HOXA9: variants seen among roughly 807,000 people sequenced by gnomAD.
HOXA9 encodes the protein homeobox A9.
In HOXA9, 18 loss-of-function variants were observed where a neutral mutation model predicts 19.0. That is an observed-to-expected ratio of 0.95 (90% CI 0.65 to 1.40). The LOEUF (loss-of-function observed/expected upper bound fraction) is 1.40. HOXA9 is among the 40% of genes most tolerant of loss of function. The probability of loss-of-function intolerance (pLI) is 0.00; values close to 1 mark genes in which losing one functional copy is unlikely to be tolerated. For synonymous variants in HOXA9, 198 were observed against 161.1 expected, an observed-to-expected ratio of 1.23 and a Z score of -1.73; for missense variants, 443 against 372.2, an observed-to-expected ratio of 1.19 and a Z score of -1.57.
In HOXA9 at chr7:27,163,674, C is replaced by A. The variant is rs1451206928; in HGVS notation, c.748G>T (p.Val250Phe). 1 of 1,613,856 alleles carries A rather than the reference C, an allele frequency of 6.2e-7. No homozygotes were observed. Among genetic ancestry groups the A allele is most frequent in the Non-Finnish European group, 8.5e-7 (1 of 1,180,014 alleles). The change falls in exon 2 of 2, where the codon GTC (valine) becomes TTC (phenylalanine). Residue 250 changes from valine (V) to phenylalanine (F), a missense_variant. Transcript: ENST00000343483. ...ARLLNLTERQVKIWFQNRRMK... is the reference protein window; with the variant it reads ...ARLLNLTERQFKIWFQNRRMK... ...CTGCGGTTCTGGAACCAGATCTTGACCTGCCTCTCGGTGAGGTTGAGCAGT... is the reference window on the plus strand; with the variant it reads ...CTGCGGTTCTGGAACCAGATCTTGAACTGCCTCTCGGTGAGGTTGAGCAGT...
In HOXA9 at chr7:27,163,518, G is replaced by T; in HGVS notation, c.*85C>A. ...ATGGTGGAGGCTAGGGTGGGGGTGAGAGAAGGGAGAAGGCGGAAGGGGGAC... is the reference window on the plus strand; with the variant it reads ...ATGGTGGAGGCTAGGGTGGGGGTGATAGAAGGGAGAAGGCGGAAGGGGGAC... On this transcript the variant is annotated 3_prime_UTR_variant, in exon 2 of 2. Transcript: ENST00000343483. The T allele has an allele frequency of 9.1e-7, 1 of 1,099,022 alleles. No individual in the cohort carries two copies. Among genetic ancestry groups the T allele is most frequent in the Non-Finnish European group, 1.3e-6 (1 of 745,396 alleles). The allele number at this position is 1,099,022 out of a possible 1,614,324, so 68.1% of individuals were successfully genotyped here. A position where few individuals can be genotyped will look rare whatever the true frequency, so the allele number is the denominator to read the frequency against.
chr7:27,165,191 GTGGTGGTGA>G lies in HOXA9; in HGVS notation c.258_266del (p.His87_His89del). ...CGGGCGCCTGGGGGTGCACGTAGGGGTGGTGGTGATGGTGGTGGTACACCGCAGCGGGTA... is the reference window on the plus strand; with the variant it reads ...CGGGCGCCTGGGGGTGCACGTAGGGGTGGTGGTGGTACACCGCAGCGGGTA... On this transcript the variant is annotated inframe_deletion, in exon 1 of 2. Coordinates refer to ENST00000343483, the MANE Select transcript of HOXA9 (RefSeq NM_152739.4). 1 of 1,593,266 alleles carries G rather than the reference GTGGTGGTGA, an allele frequency of 6.3e-7. No individual in the cohort carries two copies. The highest frequency in any genetic ancestry group is 8.5e-7 in the Non-Finnish European group (1 of 1,170,404).
rs1783281043 is a variant in HOXA9 at position 27,164,758 on chromosome 7, G to T, written c.580+120C>A. On this transcript the variant is annotated intron_variant, in intron 1 of 1. Transcript: ENST00000343483. The stretch of plus-strand genomic sequence containing the variant: ...CCCAAACACCAACTTCTGGCTCCTG[G>T]CCCCAACTCGAGAGGCTTCCAGCGA... 1.0e-5 allele frequency: 15 copies of T among 1,460,420 alleles called. No homozygotes were observed. In the East Asian group the frequency reaches 3.5e-4, roughly 34 times the overall value. 90.5% of individuals were successfully genotyped at this position (1,460,420 alleles called of 1,614,324 possible).
In HOXA9 at chr7:27,163,568, A is replaced by G. The variant is rs564237365; in HGVS notation, c.*35T>C. The G allele has an allele frequency of 2.7e-5, 40 of 1,507,724 alleles. 1 individual carries two copies. The South Asian group carries it at 4.1e-4, about 15-fold the overall frequency. The allele number at this position is 1,507,724 out of a possible 1,614,324, so 93.4% of individuals were successfully genotyped here. A position where few individuals can be genotyped will look rare whatever the true frequency, so the allele number is the denominator to read the frequency against. ...CGGACAGTTCTTTCTTTTTCTCTCTAGCTTACCCTTTTTTCTAAATAAGCC... is the reference window on the plus strand; with the variant it reads ...CGGACAGTTCTTTCTTTTTCTCTCTGGCTTACCCTTTTTTCTAAATAAGCC... On this transcript the variant is annotated 3_prime_UTR_variant, in exon 2 of 2. Coordinates refer to ENST00000343483, the MANE Select transcript of HOXA9 (RefSeq NM_152739.4).
In HOXA9 at chr7:27,165,300, G is replaced by C. The variant is rs1403902048; in HGVS notation, c.158C>G (p.Pro53Arg). ...CGTCGCCTTGGACTGGAAGCTGCAC[G>C]GGCTGAAGTCGGGGTGCTCGGCCAG... Reference protein sequence around the residue: ...ATLAEHPDFSPCSFQSKATVF... With the variant: ...ATLAEHPDFSRCSFQSKATVF... Residue 53 changes from proline (P) to arginine (R), a missense_variant, in exon 1 of 2, where the codon CCG becomes CGG. By Grantham distance (103) the Pro-to-Arg change is moderately radical. Transcript: ENST00000343483. The C allele has an allele frequency of 1.3e-6, 2 of 1,571,050 alleles. No individual in the cohort carries two copies. The highest frequency in any genetic ancestry group is 1.7e-6 in the Non-Finnish European group (2 of 1,159,926).
intron 1 of HOXA9, among the ~76,000 whole-genome samples, chr7:27,164,390 T>G (rs1783271219): frequency 6.6e-6 from 1 of 152,128 alleles, no homozygotes; most frequent in Admixed American, 6.5e-5. Context: ...GTGGCCCGGG[T>G]CGCCCGCAGC....
Position 27,162,487 on chromosome 7 carries a change from A to C in HOXA9, c.*1116T>G. 1 of 202,880 alleles carries C rather than the reference A, an allele frequency of 4.9e-6. No individual in the cohort carries two copies. 12.6% of individuals were successfully genotyped at this position (202,880 alleles called of 1,614,324 possible). A position where few individuals can be genotyped will look rare whatever the true frequency, so the allele number is the denominator to read the frequency against. On this transcript the variant is annotated 3_prime_UTR_variant, in exon 2 of 2. Transcript: ENST00000343483. The stretch of plus-strand genomic sequence containing the variant: ...TTGGCAAAAAGTTAAATATCATCTC[A>C]ACACAACAATTTGGTCAGTAGGCCT...
At chr7:27,164,785 G>A in intron 1 of HOXA9, 93 bp downstream of exon 1, 2 of 1,538,514 alleles carry the variant, frequency 1.3e-6, no homozygotes, top group Non-Finnish European at 1.8e-6. Flanking sequence ...TTCCAGCGAG[G>A]ACGAAGGCAG....
rs201482064 is a variant in HOXA9, at chr7:27,165,044, C to A, written c.414G>T (p.Ser138=). The A allele has an allele frequency of 1.5e-5, 24 of 1,614,194 alleles. No homozygotes were observed. The East Asian group carries it at 3.3e-4, about 22-fold the overall frequency. ...RPYGIKPEPL[S]ARRGDCPTLD... Reference sequence around the variant, plus strand: ...GCGTGGGACAGTCACCCCTTCTGGCCGACAGCGGTTCAGGTTTAATGCCAT... The same window carrying A: ...GCGTGGGACAGTCACCCCTTCTGGCAGACAGCGGTTCAGGTTTAATGCCAT... Residue 138 remains serine (S), a synonymous_variant, in exon 1 of 2, where the codon TCG becomes TCT. Coordinates refer to ENST00000343483, the MANE Select transcript of HOXA9 (RefSeq NM_152739.4).
At position 27,163,771 on chromosome 7, in the gene HOXA9, C is replaced by T. The variant is rs368804154; in HGVS notation, c.651G>A (p.Gln217=). The change falls in exon 2 of 2, where the codon CAG becomes CAA. Residue 217 remains glutamine (Q), a synonymous_variant. Coordinates refer to ENST00000343483, the MANE Select transcript of HOXA9 (RefSeq NM_152739.4). ...GAAACTCTTTCTCCAGTTCCAGGGTCTGGTGTTTTGTATAGGGGCACCGCT... is the reference window on the plus strand; with the variant it reads ...GAAACTCTTTCTCCAGTTCCAGGGTTTGGTGTTTTGTATAGGGGCACCGCT... ...RKKRCPYTKH[Q]TLELEKEFLF... is the part of the protein sequence containing the mutation. The T allele has an allele frequency of 9.9e-6, 16 of 1,613,918 alleles. No homozygotes were observed. Among genetic ancestry groups the T allele is most frequent in the South Asian group, 7.7e-5 (7 of 91,064 alleles).
chr7:27,163,413 C>T lies in HOXA9; in HGVS notation c.*190G>A. On this transcript the variant is annotated 3_prime_UTR_variant, in exon 2 of 2. Transcript: ENST00000343483. ...GCTTACAATACCTCCTCCATCAAAG[C>T]GGCAGGCCTACGAGCCAGCCTGAAC... 1.6e-6 allele frequency: 1 copy of T among 614,132 alleles called. No homozygotes were observed. Among genetic ancestry groups the T allele is most frequent in the Non-Finnish European group, 2.9e-6 (1 of 344,624 alleles). 38.0% of individuals were successfully genotyped at this position (614,132 alleles called of 1,614,324 possible). A position where few individuals can be genotyped will look rare whatever the true frequency, so the allele number is the denominator to read the frequency against.
chr7:27,165,167 G>A lies in HOXA9; in HGVS notation c.291C>T (p.Pro97=), dbSNP rs750729932. Residue 97 remains proline, a synonymous_variant, in exon 1 of 2, where the codon CCC becomes CCT. Coordinates refer to ENST00000343483, the MANE Select transcript of HOXA9 (RefSeq NM_152739.4). ...HHHPYVHPQA[P]VAAAAPDGRY... is the part of the protein sequence containing the mutation. Reference sequence around the variant, plus strand: ...TGCCGTCCGGCGCCGCCGCCGCCACGGGCGCCTGGGGGTGCACGTAGGGGT... The same window carrying A: ...TGCCGTCCGGCGCCGCCGCCGCCACAGGCGCCTGGGGGTGCACGTAGGGGT... 21 of 1,596,178 alleles carry A rather than the reference G, an allele frequency of 1.3e-5. No homozygotes were observed. The highest frequency in any genetic ancestry group is 1.7e-5 in the Non-Finnish European group (20 of 1,171,274).
In HOXA9 at chr7:27,163,805, G is replaced by A; in HGVS notation, c.617C>T (p.Thr206Ile). The change falls in exon 2 of 2, where the codon ACT becomes ATT. Residue 206 changes from threonine to isoleucine, a missense_variant. Coordinates refer to ENST00000343483, the MANE Select transcript of HOXA9 (RefSeq NM_152739.4). ...TGTATAGGGGCACCGCTTTTTCCGAGTGGAGCGCGCATGAAGCCAGTTGGC... is the reference window on the plus strand; with the variant it reads ...TGTATAGGGGCACCGCTTTTTCCGAATGGAGCGCGCATGAAGCCAGTTGGC... ...PAANWLHARSTRKKRCPYTKH... is the reference protein window; with the variant it reads ...PAANWLHARSIRKKRCPYTKH... 1 of 1,613,974 alleles carries A rather than the reference G, an allele frequency of 6.2e-7. No homozygotes were observed. The highest frequency in any genetic ancestry group is 8.5e-7 in the Non-Finnish European group (1 of 1,179,996).
At chr7:27,163,981 A>G in intron 1 of HOXA9, 140 bp from the exon 2 acceptor site, 3 of 701,270 alleles carry the variant, frequency 4.3e-6, no homozygotes, top group Non-Finnish European at 7.4e-6. Context: ...CCTCGGACAC[A>G]ATGGAACCCT....
chr7:27,165,427 A>G lies in HOXA9; in HGVS notation c.31T>C (p.Tyr11His). Residue 11 changes from tyrosine to histidine, a missense_variant, in exon 1 of 2, where the codon TAC (tyrosine) becomes CAC (histidine). By Grantham distance (83) the Tyr-to-His change is moderately conservative (BLOSUM62 2). Transcript: ENST00000343483. MATTGALGNY[Y>H]VDSFLLGADA... is the part of the protein sequence containing the mutation. ...GCGCCCAGCAGGAACGAGTCCACGT[A>G]GTAGTTGCCCAGGGCCCCAGTGGTG... is the stretch of plus-strand genomic sequence containing the variant. 6.2e-7 allele frequency: 1 copy of G among 1,609,394 alleles called. No homozygotes were observed. The highest frequency in any genetic ancestry group is 8.5e-7 in the Non-Finnish European group (1 of 1,178,870).
At chr7:27,163,914 T>C in intron 1 of HOXA9, 73 bp from the exon 2 acceptor site, 1 of 1,257,676 alleles carries the variant, frequency 8.0e-7, no homozygotes, top group Non-Finnish European at 1.1e-6. Flanking sequence ...GCCTCCTGCA[T>C]GGGGTCTCTG....
chr7:27,163,537 G>A lies in HOXA9; in HGVS notation c.*66C>T. The A allele has an allele frequency of 3.9e-6, 5 of 1,270,998 alleles. No homozygotes were observed. Among genetic ancestry groups the A allele is most frequent in the Non-Finnish European group, 3.4e-6 (3 of 891,044 alleles). The allele number at this position is 1,270,998 out of a possible 1,614,324, so 78.7% of individuals were successfully genotyped here. A position where few individuals can be genotyped will look rare whatever the true frequency, so the allele number is the denominator to read the frequency against. On this transcript the variant is annotated 3_prime_UTR_variant, in exon 2 of 2. Transcript: ENST00000343483. ...GGGTGAGAGAAGGGAGAAGGCGGAA[G>A]GGGGACGGACAGTTCTTTCTTTTTC...
Position 27,164,096 on chromosome 7 carries a change from C to T in HOXA9, c.581-255G>A, listed in dbSNP as rs187385585. ...TCTCCTACTCTGTCCTCTTGTCCCC[C>T]TTCTCCTTCCTCCCACTCTCAAAAC... On this transcript the variant is annotated intron_variant, in intron 1 of 1. Transcript: ENST00000343483. Among the ~76,000 whole-genome samples, 252 of 152,272 alleles carry T rather than the reference C, an allele frequency of 1.7e-3. 3 individuals are homozygous for T. Among genetic ancestry groups the T allele is most frequent in the African/African-American group, 6.0e-3 (248 of 41,550 alleles).
chr7:27,164,946 C>T lies in HOXA9; in HGVS notation c.512G>A (p.Ser171Asn), dbSNP rs1288986827. The change falls in exon 1 of 2, where the codon AGC (serine) becomes AAC (asparagine). Residue 171 changes from serine to asparagine, a missense_variant. Physicochemically the swap from Ser to Asn is conservative, Grantham distance 46. Transcript: ENST00000343483. ...SPPVDREKQP[S>N]EGAFSENNAE... The stretch of plus-strand genomic sequence containing the variant: ...ATTGTTTTCAGAGAAGGCGCCTTCG[C>T]TGGGTTGTTTTTCTCTATCAACTGG... 6.2e-7 allele frequency: 1 copy of T among 1,614,240 alleles called. No homozygotes were observed. The highest frequency in any genetic ancestry group is 8.5e-7 in the Non-Finnish European group (1 of 1,180,028).
Sources: allele counts gnomAD v4.1 joint callset (sites outside exome capture counted in the v4.1 genomes callset), GRCh38; gene constraint gnomAD v4.1.1; transcripts MANE v1.5; gene names NCBI Gene and HGNC (gene_info 2026-07-23, HGNC 2026-07-21).